C10orf90: variants seen among roughly 807,000 people sequenced by gnomAD.
C10orf90 encodes (E2-independent) E3 ubiquitin-conjugating enzyme FATS.
A neutral mutation model predicts 62.5 loss-of-function variants in C10orf90; 56 were observed. That is an observed-to-expected ratio of 0.90 (90% CI 0.72 to 1.12). The LOEUF (loss-of-function observed/expected upper bound fraction) is 1.12, where lower values mean the gene tolerates loss of function less well. Ranked by LOEUF, C10orf90 falls within the 50% of genes most tolerant of loss-of-function variation. The pLI is 0.00. For missense variants in C10orf90, 970 were observed against 880.4 expected (o/e 1.10, Z -1.29); for synonymous variants, 386 against 340.4 (o/e 1.13, Z -1.47).
At chr10:126,535,025 C>T (rs981495571) in intron 2 of C10orf90, among the ~76,000 whole-genome samples, 4 of 152,126 alleles carry the variant, frequency 2.6e-5, no homozygotes, top group East Asian at 3.9e-4. Context: ...CACATATTAT[C>T]ACCCCAGGAA....
intron 7 of C10orf90, among the ~76,000 whole-genome samples, chr10:126,446,573 A>C (rs935532207): frequency 6.6e-6 from 1 of 152,146 alleles, no homozygotes; most frequent in Non-Finnish European, 1.5e-5. Context: ...GGCTTTGTCA[A>C]AAAAAACAAA....
intron 2 of C10orf90, among the ~76,000 whole-genome samples, chr10:126,604,258 C>G (rs114136616): frequency 2.0e-5 from 3 of 152,284 alleles, no homozygotes; most frequent in African/African-American, 7.2e-5. Context: ...CTGAGTAAAA[C>G]TGAGCCCAGG....
chr10:126,565,175 T>TTATGTAATATAATATTATATTACATAA lies in C10orf90; in HGVS notation c.314-51237_314-51236insTTATGTAATATAATATTATATTACATA, dbSNP rs1844324183. 2.3e-4 allele frequency among the ~76,000 whole-genome samples: 5 copies of TTATGTAATATAATATTATATTACATAA among 21,964 alleles called. 1 individual carries two copies. Among genetic ancestry groups the TTATGTAATATAATATTATATTACATAA allele is most frequent in the Admixed American group, 9.0e-4 (1 of 1,110 alleles). The allele number at this position is 21,964 out of a possible 152,430, so 14.4% of individuals were successfully genotyped here. On this transcript the variant is annotated intron_variant, in intron 2 of 9. Transcript: ENST00000488181. ...TGTAATATAATATTTATATTACATA[T>TTATGTAATATAATATTATATTACATAA]TATGTAATATAATATTTATATTACA...
intron 2 of C10orf90, among the ~76,000 whole-genome samples, chr10:126,623,432 A>T (rs1845684302): frequency 6.6e-6 from 1 of 152,172 alleles, no homozygotes; most frequent in African/African-American, 2.4e-5. Flanking sequence ...AACTACCTGT[A>T]TAAGGTAGTA....
At chr10:126,444,581 A>G (rs777250748) in intron 7 of C10orf90, among the ~76,000 whole-genome samples, 12 of 152,230 alleles carry the variant, frequency 7.9e-5, no homozygotes, top group Admixed American at 2.0e-4. Flanking sequence ...AATATTGTGA[A>G]AATGACCACA....
intron 4 of C10orf90, among the ~76,000 whole-genome samples, chr10:126,500,768 G>A (rs1468345882): frequency 6.6e-6 from 1 of 152,186 alleles, no homozygotes; most frequent in Non-Finnish European, 1.5e-5. Context: ...ACAGCTATTT[G>A]AATTGCATGA....
intron 1 of C10orf90, among the ~76,000 whole-genome samples, chr10:126,648,673 A>G (rs1206136726): frequency 6.6e-6 from 1 of 152,232 alleles, no homozygotes; most frequent in African/African-American, 2.4e-5. Flanking sequence ...TAAGTCTGTC[A>G]GAAGCAGCAA....
intron 2 of C10orf90, among the ~76,000 whole-genome samples, chr10:126,614,297 C>T (rs1418375231): frequency 1.3e-5 from 2 of 152,120 alleles, no homozygotes; most frequent in African/African-American, 4.8e-5. Context: ...CACTCAAGGT[C>T]ATCGGGGTTA....
At chr10:126,649,080 C>CGCCCCT (rs67086616) in intron 1 of C10orf90, among the ~76,000 whole-genome samples, 2 of 118,748 alleles carry the variant, frequency 1.7e-5, no homozygotes, top group African/African-American at 3.3e-5. Context: ...CTCCCCCCCC[C>CGCCCCT]CCAGCAATTC....
intron 8 of C10orf90, among the ~76,000 whole-genome samples, chr10:126,428,296 G>T (rs1302935604): frequency 2.6e-5 from 4 of 152,196 alleles, no homozygotes; most frequent in Non-Finnish European, 4.4e-5. Context: ...GGTAGGGAAA[G>T]TGGGCTGGGA....
At chr10:126,460,842 G>A (rs1392579937) in intron 6 of C10orf90, among the ~76,000 whole-genome samples, 3 of 152,232 alleles carry the variant, frequency 2.0e-5, no homozygotes, top group Admixed American at 2.0e-4. Context: ...ACAGTTAGCA[G>A]AGGATTCCTC....
At chr10:126,495,764 T>C (rs547224110) in intron 4 of C10orf90, among the ~76,000 whole-genome samples, 1 of 152,324 alleles carries the variant, frequency 6.6e-6, no homozygotes, top group African/African-American at 2.4e-5. Context: ...TGCTCTATTT[T>C]CCAGGGTCAT....
intron 4 of C10orf90, among the ~76,000 whole-genome samples, chr10:126,491,372 T>C (rs1410444022): frequency 6.6e-6 from 1 of 152,188 alleles, no homozygotes; most frequent in Non-Finnish European, 1.5e-5. Context: ...ATCATCTATA[T>C]CTAATTGTGG....
At chr10:126,518,966 G>A (rs1863591223) in intron 2 of C10orf90, among the ~76,000 whole-genome samples, 2 of 152,202 alleles carry the variant, frequency 1.3e-5, no homozygotes, top group Non-Finnish European at 2.9e-5. Context: ...CTCAGGGTGT[G>A]TGGGGCCCTG....
At chr10:126,637,299 G>A (rs1845970705) in intron 2 of C10orf90, among the ~76,000 whole-genome samples, 1 of 152,150 alleles carries the variant, frequency 6.6e-6, no homozygotes, top group South Asian at 2.1e-4. Context: ...ATTGATGTCT[G>A]CCTTCTGCCT....
At chr10:126,555,776 C>A (rs946480723) in intron 2 of C10orf90, among the ~76,000 whole-genome samples, 1 of 151,750 alleles carries the variant, frequency 6.6e-6, no homozygotes, top group African/African-American at 2.4e-5. Flanking sequence ...TGGGTCAATG[C>A]GAGTGGAGTC....
At chr10:126,507,051 G>T (rs936919803) in intron 3 of C10orf90, among the ~76,000 whole-genome samples, 4 of 151,878 alleles carry the variant, frequency 2.6e-5, no homozygotes, top group African/African-American at 4.8e-5. Flanking sequence ...ATTATATGTG[G>T]GTTTTTTAAA....
intron 4 of C10orf90, chr10:126,469,737 A>G (rs921392354): frequency 2.6e-6 from 1 of 385,658 alleles, no homozygotes; most frequent in African/African-American, 2.1e-5. Flanking sequence ...GTAGTGTCTC[A>G]CCTCTTCCTC....
intron 1 of C10orf90, among the ~76,000 whole-genome samples, chr10:126,660,190 T>A (rs954002429): frequency 1.3e-5 from 2 of 152,228 alleles, no homozygotes; most frequent in African/African-American, 4.8e-5. Flanking sequence ...GGTGAAAAGA[T>A]CCTATGAATA....
Sources: allele counts gnomAD v4.1 joint callset (sites outside exome capture counted in the v4.1 genomes callset), GRCh38; gene constraint gnomAD v4.1.1; transcripts MANE v1.5; gene names NCBI Gene and HGNC (gene_info 2026-07-23, HGNC 2026-07-21).